The following ROBO2 variants were observed in gnomAD, a reference collection of about 807,000 sequenced individuals.
The protein encoded by ROBO2 is roundabout homolog 2.
ROBO2 carries 53 observed loss-of-function variants against 160.8 expected under a neutral mutation model. That is an observed-to-expected ratio of 0.33 (90% CI 0.26 to 0.41). The LOEUF is 0.41. ROBO2 is among the 10% of genes least tolerant of loss of function. The pLI is 1.00. For synonymous variants in ROBO2, 664 were observed against 611.7 expected (o/e 1.09, Z -1.26); for missense variants, 1,577 against 1,722.4 (o/e 0.92, Z 1.49).
intron 2 of ROBO2, among the ~76,000 whole-genome samples, chr3:76,850,956 C>A (rs11718246): frequency 6.6e-6 from 1 of 152,102 alleles, no homozygotes; most frequent in Non-Finnish European, 1.5e-5. Flanking sequence ...GTTTCATCTC[C>A]AGAGTCCCTT....
At chr3:77,388,025 A>C (rs1581562153) in intron 2 of ROBO2, among the ~76,000 whole-genome samples, 1 of 152,162 alleles carries the variant, frequency 6.6e-6, no homozygotes, top group Admixed American at 6.5e-5. Flanking sequence ...AAAAAAAATG[A>C]GTTTCGCTTG....
At chr3:76,888,228 T>C (rs2074060702) in intron 2 of ROBO2, among the ~76,000 whole-genome samples, 1 of 151,862 alleles carries the variant, frequency 6.6e-6, no homozygotes, top group Non-Finnish European at 1.5e-5. Flanking sequence ...ATTAGCCAGG[T>C]GTAGTGGTGC....
intron 2 of ROBO2, among the ~76,000 whole-genome samples, chr3:77,170,833 T>A (rs554542382): frequency 6.6e-6 from 1 of 152,270 alleles, no homozygotes; most frequent in East Asian, 1.9e-4. Flanking sequence ...TTTCCCCAAA[T>A]GAATGTTTAA....
At chr3:76,894,027 C>T (rs957556888) in intron 2 of ROBO2, among the ~76,000 whole-genome samples, 1 of 152,108 alleles carries the variant, frequency 6.6e-6, no homozygotes, top group Non-Finnish European at 1.5e-5. Context: ...AAAGTTTGCT[C>T]TTTCAACAGT....
At chr3:76,553,731 G>A (rs1484804725) in intron 2 of ROBO2, among the ~76,000 whole-genome samples, 2 of 152,176 alleles carry the variant, frequency 1.3e-5, no homozygotes, top group East Asian at 3.9e-4. Flanking sequence ...AAATGTGAGG[G>A]TATTTATCAT....
chr3:76,347,917 G>C (rs2074626843), intron 2 of ROBO2, among the ~76,000 whole-genome samples: 1 of 152,132 alleles, frequency 6.6e-6, no homozygotes, highest in South Asian at 2.1e-4. Flanking sequence ...ACAATTGAAT[G>C]AGGATGTTGG....
intron 2 of ROBO2, among the ~76,000 whole-genome samples, chr3:76,956,364 T>TC (rs1274777264): frequency 2.0e-5 from 3 of 152,034 alleles, no homozygotes; most frequent in Admixed American, 6.6e-5. Flanking sequence ...GAGACCATCC[T>TC]GGCTAACACG....
chr3:76,393,344 A>G (rs1306592895), intron 2 of ROBO2, among the ~76,000 whole-genome samples: 1 of 152,318 alleles, frequency 6.6e-6, no homozygotes, highest in African/African-American at 2.4e-5. Flanking sequence ...ATATTTGAGA[A>G]GAATTTGAAC....
At chr3:77,247,745 C>T (rs2089895996) in intron 2 of ROBO2, among the ~76,000 whole-genome samples, 1 of 152,150 alleles carries the variant, frequency 6.6e-6, no homozygotes, top group Non-Finnish European at 1.5e-5. Context: ...CCCTTAGTAT[C>T]TCGAAGCGTC....
At chr3:77,071,594 C>G (rs2067419406) in intron 1 of ROBO2, among the ~76,000 whole-genome samples, 2 of 152,134 alleles carry the variant, frequency 1.3e-5, no homozygotes, top group African/African-American at 2.4e-5. Context: ...GGCTATTAAG[C>G]AGCTTGCCTG....
intron 1 of ROBO2, among the ~76,000 whole-genome samples, chr3:77,059,888 C>A (rs2066118710): frequency 6.6e-6 from 1 of 152,120 alleles, no homozygotes; most frequent in Non-Finnish European, 1.5e-5. Flanking sequence ...CTGGCATACC[C>A]TTGATGGCTG....
At chr3:76,575,912 A>G (rs1242402905) in intron 2 of ROBO2, among the ~76,000 whole-genome samples, 1 of 151,642 alleles carries the variant, frequency 6.6e-6, no homozygotes, top group South Asian at 2.1e-4. Flanking sequence ...ATATGCTATC[A>G]TTTTTTTTAG....
chr3:76,821,912 T>G (rs979220690), intron 2 of ROBO2, among the ~76,000 whole-genome samples: 2 of 152,026 alleles, frequency 1.3e-5, no homozygotes, highest in African/African-American at 2.4e-5. Flanking sequence ...TCAACAGCCC[T>G]GTCCCCTCTC....
chr3:76,269,363 C>T (rs1167328005), intron 2 of ROBO2, among the ~76,000 whole-genome samples: 2 of 152,014 alleles, frequency 1.3e-5, no homozygotes, highest in Admixed American at 1.3e-4. Context: ...TGACCTCTCT[C>T]TTCTTGAAGC....
chr3:76,895,043 T>G (rs2074660614), intron 2 of ROBO2, among the ~76,000 whole-genome samples: 1 of 152,106 alleles, frequency 6.6e-6, no homozygotes, highest in African/African-American at 2.4e-5. Context: ...AAAAAGTAGA[T>G]TTTTAACTTT....
intron 2 of ROBO2, among the ~76,000 whole-genome samples, chr3:77,376,575 C>A (rs2072704918): frequency 6.6e-6 from 1 of 152,066 alleles, no homozygotes; most frequent in Non-Finnish European, 1.5e-5. Context: ...TCCTAAAGGC[C>A]CTTATAAAGT....
At chr3:76,760,117 G>C (rs2061217959) in intron 2 of ROBO2, among the ~76,000 whole-genome samples, 1 of 151,760 alleles carries the variant, frequency 6.6e-6, no homozygotes, top group African/African-American at 2.4e-5. Flanking sequence ...AGAGGTAGCT[G>C]TTGTGTTGCT....
intron 16 of ROBO2, among the ~76,000 whole-genome samples, chr3:77,585,135 G>T (rs1039304940): frequency 6.6e-6 from 1 of 150,722 alleles, no homozygotes; most frequent in South Asian, 2.1e-4. Flanking sequence ...TCCTTTCATA[G>T]TTTTTTTTGG....
chr3:76,243,348 T>C (rs760951201), intron 2 of ROBO2, among the ~76,000 whole-genome samples: 2 of 152,106 alleles, frequency 1.3e-5, no homozygotes, highest in East Asian at 3.9e-4. Flanking sequence ...CCTCAGGGAA[T>C]GGAGGGTGGG....
Sources: allele counts gnomAD v4.1 joint callset (sites outside exome capture counted in the v4.1 genomes callset), GRCh38; gene constraint gnomAD v4.1.1; transcripts MANE v1.5; gene names NCBI Gene and HGNC (gene_info 2026-07-23, HGNC 2026-07-21).